PARP11: variants seen among roughly 807,000 people sequenced by gnomAD.
PARP11 encodes protein mono-ADP-ribosyltransferase PARP11.
PARP11 carries 31 observed loss-of-function variants against 42.9 expected under a neutral mutation model. That is an observed-to-expected ratio of 0.72 (90% CI 0.54 to 0.98). PARP11 has a LOEUF of 0.98. Among genes scored for constraint, PARP11 ranks in the 50% least tolerant of loss-of-function variants. The pLI is 0.00. For synonymous variants in PARP11, 137 were observed against 127.3 expected (o/e 1.08, Z -0.51); for missense variants, 365 against 413.1 (o/e 0.88, Z 1.01).
At chr12:3,845,831 C>T (rs956139740) in intron 1 of PARP11, among the ~76,000 whole-genome samples, 3 of 152,080 alleles carry the variant, frequency 2.0e-5, no homozygotes, top group African/African-American at 4.8e-5. Flanking sequence ...TCTTTCTCCC[C>T]GAAATACAAG....
Position 3,814,134 on chromosome 12 carries a change from C to T in PARP11, c.603G>A (p.Met201Ile). The T allele has an allele frequency of 6.2e-7, 1 of 1,609,244 alleles. No homozygotes were observed. The highest frequency in any genetic ancestry group is 8.5e-7 in the Non-Finnish European group (1 of 1,177,060). ...KRGVPQINEQ[M>I]LFHGTSSEFV... The stretch of plus-strand genomic sequence containing the variant: ...ATTCACTGCTGGTACCATGAAACAG[C>T]ATTTGTTCATTAATCTGAGGCACAC... The change falls in exon 7 of 8, where the codon ATG becomes ATA. Residue 201 changes from methionine (M) to isoleucine (I), a missense_variant. Transcript: ENST00000228820.
At chr12:3,857,809 AAAT>A (rs1374829958) in intron 1 of PARP11, among the ~76,000 whole-genome samples, 4 of 152,200 alleles carry the variant, frequency 2.6e-5, no homozygotes, top group Non-Finnish European at 5.9e-5. Flanking sequence ...TTCCCATAAA[AAAT>A]AATGTTTATA....
intron 1 of PARP11, among the ~76,000 whole-genome samples, chr12:3,836,325 TA>T (rs61283852): frequency 0.02 from 3,035 of 148,124 alleles, 129 homozygotes; most frequent in East Asian, 0.15. Flanking sequence ...ATACATAAAG[TA>T]AAAAACAAAC....
chr12:3,838,462 A>G (rs117781650), intron 1 of PARP11, among the ~76,000 whole-genome samples: 3 of 152,322 alleles, frequency 2.0e-5, no homozygotes, highest in Non-Finnish European at 4.4e-5. Flanking sequence ...GTACTAAAAG[A>G]GAAGTTTATA....
chr12:3,863,615 G>A (rs1040927545), intron 1 of PARP11, among the ~76,000 whole-genome samples: 1 of 152,164 alleles, frequency 6.6e-6, no homozygotes, highest in African/African-American at 2.4e-5. Context: ...AGTAAAATCA[G>A]CAAAGGGGAA....
At chr12:3,825,068 T>C (rs1393326735) in intron 4 of PARP11, among the ~76,000 whole-genome samples, 1 of 150,830 alleles carries the variant, frequency 6.6e-6, no homozygotes, top group African/African-American at 2.4e-5. Flanking sequence ...AAAATCTCCT[T>C]GGAAGGAGCA....
chr12:3,852,937 G>T (rs1312324348), intron 1 of PARP11, among the ~76,000 whole-genome samples: 1 of 152,112 alleles, frequency 6.6e-6, no homozygotes, highest in African/African-American at 2.4e-5. Context: ...TGGATCTCTC[G>T]GCAGAAACTC....
intron 1 of PARP11, among the ~76,000 whole-genome samples, chr12:3,835,772 T>G (rs1947749380): frequency 6.6e-6 from 1 of 152,072 alleles, no homozygotes; most frequent in Admixed American, 6.5e-5. Flanking sequence ...AAAGGCTCAG[T>G]GGTAGATTTG....
chr12:3,870,016 A>G (rs1205608906), intron 1 of PARP11, among the ~76,000 whole-genome samples: 1 of 152,220 alleles, frequency 6.6e-6, no homozygotes, highest in Non-Finnish European at 1.5e-5. Flanking sequence ...ATGGAGCACA[A>G]TGGCATGAGA....
intron 4 of PARP11, among the ~76,000 whole-genome samples, chr12:3,825,323 T>A (rs1222602012): frequency 6.6e-6 from 1 of 152,218 alleles, no homozygotes; most frequent in Non-Finnish European, 1.5e-5. Flanking sequence ...AGAAAATTTG[T>A]AACCAAGTTC....
rs1233089064 is a variant in PARP11, at chr12:3,826,200, T to G, written c.302A>C (p.Gln101Pro). ...MKQMNLTTGK[Q>P]RLIKRAPFSI... Reference sequence around the variant, plus strand: ...AAAGGGGGCTCTTTTTATTAAGCGCTGCTTTCCAGTGGTGAGATTCATTTG... The same window carrying G: ...AAAGGGGGCTCTTTTTATTAAGCGCGGCTTTCCAGTGGTGAGATTCATTTG... Residue 101 changes from glutamine to proline, a missense_variant, in exon 4 of 8, where the codon CAG becomes CCG. Physicochemically the swap from Gln to Pro is moderately conservative, Grantham distance 76 (BLOSUM62 -1). Coordinates refer to ENST00000228820, the MANE Select transcript of PARP11 (RefSeq NM_020367.6). 8 of 1,600,656 alleles carry G rather than the reference T, an allele frequency of 5.0e-6. No individual in the cohort carries two copies. The highest frequency in any genetic ancestry group is 6.8e-6 in the Non-Finnish European group (8 of 1,176,054).
chr12:3,825,885 T>C (rs1056279856), intron 4 of PARP11, among the ~76,000 whole-genome samples: 8 of 151,904 alleles, frequency 5.3e-5, no homozygotes, highest in African/African-American at 1.9e-4. Flanking sequence ...TGCCACCACA[T>C]CCAGCTAATT....
rs894675173 is a variant in PARP11 at position 3,826,784 on chromosome 12, T to C, written c.269-551A>G. ...TGGCTAGACCCAGTACAAACTTACA[T>C]AAAAAGATTCTAGTGATAAGAGACT... On this transcript the variant is annotated intron_variant, in intron 3 of 7. Coordinates refer to ENST00000228820, the MANE Select transcript of PARP11 (RefSeq NM_020367.6). 3.3e-5 allele frequency among the ~76,000 whole-genome samples: 5 copies of C among 152,338 alleles called. No homozygotes were observed. In the East Asian group the frequency reaches 9.6e-4, roughly 29 times the overall value.
At chr12:3,842,079 C>G (rs1437162267) in intron 1 of PARP11, 8 of 1,605,070 alleles carry the variant, frequency 5.0e-6, no homozygotes, top group Non-Finnish European at 5.1e-6. Flanking sequence ...AGATTCTAAA[C>G]AGAGAGAGAG....
intron 1 of PARP11, among the ~76,000 whole-genome samples, chr12:3,855,395 G>T (rs1226106106): frequency 1.3e-5 from 2 of 152,198 alleles, no homozygotes; most frequent in Non-Finnish European, 2.9e-5. Flanking sequence ...CATCGTCTCA[G>T]CCCAAAATCT....
At chr12:3,860,893 G>T (rs1481317324) in intron 1 of PARP11, among the ~76,000 whole-genome samples, 1 of 152,086 alleles carries the variant, frequency 6.6e-6, no homozygotes, top group Non-Finnish European at 1.5e-5. Context: ...GCTCAGGCTG[G>T]TCTTCAACTC....
At chr12:3,834,964 G>GT (rs1947726485) in intron 1 of PARP11, among the ~76,000 whole-genome samples, 2 of 152,062 alleles carry the variant, frequency 1.3e-5, no homozygotes, top group Non-Finnish European at 2.9e-5. Context: ...CAAACACGAC[G>GT]TAACAGAAGC....
intron 1 of PARP11, among the ~76,000 whole-genome samples, chr12:3,834,961 G>A (rs978684910): frequency 5.3e-5 from 8 of 152,104 alleles, no homozygotes; most frequent in African/African-American, 1.7e-4. Flanking sequence ...GGCCAAACAC[G>A]ACGTAACAGA....
intron 1 of PARP11, among the ~76,000 whole-genome samples, chr12:3,846,583 C>T (rs1007516008): frequency 6.0e-5 from 9 of 150,196 alleles, no homozygotes; most frequent in South Asian, 2.1e-4. Flanking sequence ...GGTGAAACCC[C>T]GTCTCTACTA....
Sources: gnomAD v4.1 joint callset for allele counts (sites outside exome capture counted in the v4.1 genomes callset) on GRCh38, gnomAD v4.1.1 for gene constraint, MANE v1.5 for transcripts, NCBI Gene and HGNC (gene_info 2026-07-23, HGNC 2026-07-21) for gene names.